Variants in KLC4 observed in about 807,000 individuals in gnomAD.
KLC4 encodes kinesin-like protein 8.
Under a neutral mutation model 77.2 loss-of-function variants are expected in KLC4, and 49 were observed. The observed-to-expected ratio is 0.63, with a 90% CI of 0.50 to 0.80. The LOEUF (loss-of-function observed/expected upper bound fraction) is 0.80. Ranked by LOEUF, KLC4 falls within the 30% of genes least tolerant of loss-of-function variation. The pLI is 0.00. For missense variants in KLC4, 669 were observed against 793.5 expected, an observed-to-expected ratio of 0.84 and a Z score of 1.89; for synonymous variants, 274 against 314.5, an observed-to-expected ratio of 0.87 and a Z score of 1.36.
At chr6:43,065,527 C>T (rs924783095) in intron 3 of KLC4, 93 bp from the exon 4 acceptor site, 2 of 821,348 alleles carry the variant, frequency 2.4e-6, no homozygotes, top group South Asian at 1.5e-5. Context: ...TCCTAGGTCC[C>T]ATCTGTCTGT....
At chr6:43,071,400 G>A in intron 9 of KLC4, 26 bp downstream of exon 9, 2 of 1,585,776 alleles carry the variant, frequency 1.3e-6, no homozygotes, top group Non-Finnish European at 1.7e-6. Flanking sequence ...CTGGGGAAGG[G>A]GCTGTGGGGA....
At chr6:43,068,274 C>T (rs1365485320) in intron 6 of KLC4, among the ~76,000 whole-genome samples, 1 of 150,210 alleles carries the variant, frequency 6.7e-6, no homozygotes, top group Non-Finnish European at 1.5e-5. Flanking sequence ...GAGTTCAAGA[C>T]CATCCTGGCC....
Position 43,066,294 on chromosome 6 carries a change from G to A in KLC4, c.572-12G>A. ...AGGAAGAGTCCTTTGTTTATGTTCTGTGATGGTTTAGTGTCCCGTGGTCAA... is the reference window on the plus strand; with the variant it reads ...AGGAAGAGTCCTTTGTTTATGTTCTATGATGGTTTAGTGTCCCGTGGTCAA... On this transcript the variant is annotated splice_polypyrimidine_tract_variant and intron_variant, in intron 4 of 15. Transcript: ENST00000347162. The A allele has an allele frequency of 6.2e-7, 1 of 1,609,568 alleles. No individual in the cohort carries two copies. The highest frequency in any genetic ancestry group is 8.5e-7 in the Non-Finnish European group (1 of 1,175,878).
intron 1 of KLC4, chr6:43,060,219 A>T (rs1765070132): frequency 6.2e-7 from 1 of 1,614,030 alleles, no homozygotes; most frequent in Admixed American, 1.7e-5. Context: ...CATGGAAGTG[A>T]CTGGGTTTGG....
In KLC4 at chr6:43,059,999, A is replaced by G. The variant is rs1765058087; in HGVS notation, c.-26+314A>G. The stretch of plus-strand genomic sequence containing the variant: ...CGCCCCCGCCCATCTCACTCTCCCA[A>G]CCCTGGGCACCAGGGCAGGTCGACA... On this transcript the variant is annotated intron_variant, in intron 1 of 15. Coordinates refer to ENST00000347162, the MANE Select transcript of KLC4 (RefSeq NM_201521.3). 3.6e-6 allele frequency: 5 copies of G among 1,388,140 alleles called. No homozygotes were observed. The African/African-American group carries it at 4.4e-5, about 12-fold the overall frequency. The allele number at this position is 1,388,140 out of a possible 1,614,324, so 86.0% of individuals were successfully genotyped here.
In KLC4 at chr6:43,072,148, C is replaced by A; in HGVS notation, c.1381C>A (p.Pro461Thr). The change falls in exon 12 of 16, where the codon CCC becomes ACC. Residue 461 changes from proline to threonine, a missense_variant and splice_region_variant. Transcript: ENST00000347162. The part of the protein sequence containing the change: ...GWYKACKVSS[P>T]TVNTTLRNLG... The stretch of plus-strand genomic sequence containing the variant: ...TCTCTGGTCTCTTTCTCACCACAGC[C>A]CCACAGTGAACACTACTCTGAGAAA... 1 of 1,612,826 alleles carries A rather than the reference C, an allele frequency of 6.2e-7. No homozygotes were observed. The highest frequency in any genetic ancestry group is 8.5e-7 in the Non-Finnish European group (1 of 1,178,840).
chr6:43,063,288 T>C, intron 3 of KLC4, 141 bp downstream of exon 3: 1 of 635,266 alleles, frequency 1.6e-6, no homozygotes, highest in Non-Finnish European at 2.8e-6. Flanking sequence ...TTTTCAGCCC[T>C]GACACCAACT....
chr6:43,072,706 C>A, intron 12 of KLC4, 118 bp from the exon 13 acceptor site: 2 of 905,060 alleles, frequency 2.2e-6, no homozygotes, highest in Non-Finnish European at 3.4e-6. Flanking sequence ...TAGGTATAAA[C>A]TGAGACATCA....
rs771120503 is a variant in KLC4, at chr6:43,066,361, A to G, written c.627A>G (p.Ala209=). ...AAQQGGYEIP[A]RLRTLHNLVI... ...AGCAGGGTGGATATGAGATCCCAGC[A>G]AGGTTGCGGACGTTGCACAACCTGG... The change falls in exon 5 of 16, where the codon GCA becomes GCG. Residue 209 remains alanine, a synonymous_variant. Transcript: ENST00000347162. 5 of 1,614,188 alleles carry G rather than the reference A, an allele frequency of 3.1e-6. No individual in the cohort carries two copies. In the East Asian group the frequency reaches 1.1e-4, roughly 36 times the overall value.
chr6:43,074,726 A>C lies in KLC4; in HGVS notation c.*54A>C. 1 of 1,448,052 alleles carries C rather than the reference A, an allele frequency of 6.9e-7. No individual in the cohort carries two copies. The highest frequency in any genetic ancestry group is 9.7e-7 in the Non-Finnish European group (1 of 1,028,274). 89.7% of individuals were successfully genotyped at this position (1,448,052 alleles called of 1,614,324 possible). A position where few individuals can be genotyped will look rare whatever the true frequency, so the allele number is the denominator to read the frequency against. ...GTCCCCCCACCCCCACAGCCCTCAC[A>C]GCATTCCCCATTGCTCCTGGCTCTT... is the stretch of plus-strand genomic sequence containing the variant. On this transcript the variant is annotated 3_prime_UTR_variant, in exon 16 of 16. Coordinates refer to ENST00000347162, the MANE Select transcript of KLC4 (RefSeq NM_201521.3).
At position 43,070,450 on chromosome 6, in the gene KLC4, G is replaced by A; in HGVS notation, c.976G>A (p.Glu326Lys). 6.2e-7 allele frequency: 1 copy of A among 1,611,268 alleles called. No individual in the cohort carries two copies. The highest frequency in any genetic ancestry group is 1.7e-5 in the Admixed American group (1 of 60,014). The change falls in exon 7 of 16, where the codon GAA becomes AAA. Residue 326 changes from glutamate to lysine, a missense_variant. Transcript: ENST00000347162. ...GTGCCAGCGGGCACTGGAGATTCGA[G>A]AAAAGGTACCCATGCCCTCTCTCCC... ...PLCQRALEIREKVLGTNHPDV... is the reference protein window; with the variant it reads ...PLCQRALEIRKKVLGTNHPDV...
At chr6:43,070,112 G>GA (rs1296761991) in intron 6 of KLC4, among the ~76,000 whole-genome samples, 16 of 94,918 alleles carry the variant, frequency 1.7e-4, no homozygotes, top group Non-Finnish European at 2.9e-4. Flanking sequence ...AAAAAAAAAA[G>GA]AAAGAAAAAA....
rs1765674326 is a variant in KLC4 at position 43,070,699 on chromosome 6, G to C, written c.989G>C (p.Gly330Ala). 1 of 1,611,904 alleles carries C rather than the reference G, an allele frequency of 6.2e-7. No individual in the cohort carries two copies. The highest frequency in any genetic ancestry group is 8.5e-7 in the Non-Finnish European group (1 of 1,178,180). Residue 330 changes from glycine (G) to alanine (A), a missense_variant, in exon 8 of 16, where the codon GGC (glycine) becomes GCC (alanine). Gly to Ala is a moderately conservative substitution (Grantham distance 60). Coordinates refer to ENST00000347162, the MANE Select transcript of KLC4 (RefSeq NM_201521.3). The stretch of plus-strand genomic sequence containing the variant: ...TCCTTTGTTCCCTTTCAGGTCCTGG[G>C]CACGAATCATCCAGATGTGGCAAAA... ...RALEIREKVLGTNHPDVAKQL... is the reference protein window; with the variant it reads ...RALEIREKVLATNHPDVAKQL...
chr6:43,070,534 T>C, intron 7 of KLC4, 79 bp downstream of exon 7: 3 of 1,391,148 alleles, frequency 2.2e-6, no homozygotes, highest in South Asian at 2.4e-5. Flanking sequence ...ACCCTCCTCC[T>C]TCACTTTTTT....
chr6:43,065,308 A>T, intron 3 of KLC4: 1 of 253,800 alleles, frequency 3.9e-6, no homozygotes, highest in Non-Finnish European at 7.9e-6. Context: ...TCCTGACCTC[A>T]GGTGATCTGC....
At chr6:43,070,933 G>GGGGGGGC in intron 8 of KLC4, 68 bp downstream of exon 8, 1 of 360,516 alleles carries the variant, frequency 2.8e-6, no homozygotes, top group South Asian at 2.3e-5. Context: ...GGGAGGGGGG[G>GGGGGGGC]CAGGCGGAGA....
intron 6 of KLC4, among the ~76,000 whole-genome samples, chr6:43,068,066 C>T (rs1236155513): frequency 1.0e-5 from 1 of 99,928 alleles, no homozygotes. Flanking sequence ...GAGCCGAGAT[C>T]CCGCCACTGC....
Position 43,066,392 on chromosome 6 carries a change from C to T in KLC4, c.658C>T (p.Gln220Ter). Residue 220 changes from glutamine (Q) to a stop codon, truncating the protein, a stop_gained, in exon 5 of 16, where the codon CAG becomes TAG. Coordinates refer to ENST00000347162, the MANE Select transcript of KLC4 (RefSeq NM_201521.3). LOFTEE classifies it high-confidence loss of function. ...GCGGACGTTGCACAACCTGGTGATC[C>T]AGTACGCAGCCCAAGGTCGCTATGA... ...RLRTLHNLVI[Q>*]YAAQGRYEVA... The T allele has an allele frequency of 6.2e-7, 1 of 1,614,152 alleles. No individual in the cohort carries two copies. Among genetic ancestry groups the T allele is most frequent in the Non-Finnish European group, 8.5e-7 (1 of 1,180,032 alleles).
chr6:43,071,071 A>G (rs1455992279), intron 8 of KLC4, among the ~76,000 whole-genome samples: 2 of 152,128 alleles, frequency 1.3e-5, no homozygotes, highest in South Asian at 2.1e-4. Flanking sequence ...GAAGTTCCAC[A>G]GCTTCTTGGG....
Sources: allele counts gnomAD v4.1 joint callset (sites outside exome capture counted in the v4.1 genomes callset), GRCh38; gene constraint gnomAD v4.1.1; transcripts MANE v1.5; gene names NCBI Gene and HGNC (gene_info 2026-07-23, HGNC 2026-07-21).